The following UNC79 variants were observed in gnomAD, a reference collection of about 807,000 sequenced individuals.
The protein encoded by UNC79 is unc-79 subunit of NALCN channel complex.
In UNC79, 37 loss-of-function variants were observed where a neutral mutation model predicts 283.1. The observed-to-expected ratio is 0.13, with a 90% CI of 0.10 to 0.17. The LOEUF is 0.17. Ranked by LOEUF, UNC79 falls within the 10% of genes least tolerant of loss-of-function variation. The probability of loss-of-function intolerance (pLI) is 1.00; values close to 1 mark genes in which losing one functional copy is unlikely to be tolerated. For missense variants in UNC79, 2,272 were observed against 3,211.1 expected (o/e 0.71, Z 7.07); for synonymous variants, 1,107 against 1,200.2 (o/e 0.92, Z 1.61).
exon 49 of UNC79, chr14:93,706,751 C>G (rs763106730): frequency 1.2e-6 from 2 of 1,614,260 alleles, no homozygotes; most frequent in Non-Finnish European, 8.5e-7. Context: ...TTCAGAACCA[C>G]GTGAACCACC....
At chr14:93,670,599 C>T (rs748642843) in intron 40 of UNC79, among the ~76,000 whole-genome samples, 2 of 152,236 alleles carry the variant, frequency 1.3e-5, no homozygotes, top group Non-Finnish European at 2.9e-5. Context: ...ATGTGTTTAG[C>T]TATCCAGAAG....
At chr14:93,694,208 G>T in intron 46 of UNC79, 127 bp from the exon 50 acceptor site, 1 of 666,206 alleles carries the variant, frequency 1.5e-6, no homozygotes. Context: ...ACTGCCAGTG[G>T]TCTCCTACGG....
At chr14:93,673,551 C>G in intron 41 of UNC79, 96 bp downstream of exon 44, 1 of 945,210 alleles carries the variant, frequency 1.1e-6, no homozygotes, top group Non-Finnish European at 1.6e-6. Flanking sequence ...AACTAAATAT[C>G]TTTGCTTAGA....
chr14:93,459,194 G>A (rs557955346), intron 1 of UNC79, among the ~76,000 whole-genome samples: 4 of 152,320 alleles, frequency 2.6e-5, no homozygotes, highest in African/African-American at 7.2e-5. Context: ...GTTTCACCAT[G>A]TTGGCCAGGC....
rs1454533957 is a variant in UNC79, at chr14:93,531,568, C to T, written c.1094-982C>T. On this transcript the variant is annotated intron_variant, in intron 10 of 48. Coordinates refer to ENST00000555664, the Ensembl canonical transcript of UNC79. The surrounding 1 kb of genome is among the most constrained non-coding windows in gnomAD (Gnocchi z 4.2). ...TGACAGTCTTGCTCCAACTGGTCTA[C>T]CCGTGGGTTTGAAAATTGCTTTCTC... is the stretch of plus-strand genomic sequence containing the variant. Among the ~76,000 whole-genome samples the T allele has an allele frequency of 1.3e-5, 2 of 152,318 alleles. No homozygotes were observed. Among genetic ancestry groups the T allele is most frequent in the African/African-American group, 4.8e-5 (2 of 41,566 alleles).
intron 48 of UNC79, among the ~76,000 whole-genome samples, chr14:93,706,491 T>C (rs535931568): frequency 6.6e-6 from 1 of 152,224 alleles, no homozygotes; most frequent in Non-Finnish European, 1.5e-5. Context: ...GGTGAGCATG[T>C]CATTATTATG....
At chr14:93,562,235 T>G (rs1327109605) in intron 14 of UNC79, among the ~76,000 whole-genome samples, 2 of 152,124 alleles carry the variant, frequency 1.3e-5, no homozygotes, top group Non-Finnish European at 2.9e-5. Context: ...CCATCAAGGT[T>G]GTAGAATTTG....
At chr14:93,520,549 C>T (rs1001170739) in intron 7 of UNC79, among the ~76,000 whole-genome samples, 1 of 151,806 alleles carries the variant, frequency 6.6e-6, no homozygotes, top group African/African-American at 2.4e-5. Context: ...AAAAATTTGG[C>T]TTTATACTAA....
At position 93,603,342 on chromosome 14, in the gene UNC79, C is replaced by T. The variant is rs76171275; in HGVS notation, c.3678C>T (p.Ser1226=). 11,309 of 1,614,154 alleles carry T rather than the reference C, an allele frequency of 7.0e-3. 66 individuals are homozygous for T. Among genetic ancestry groups the T allele is most frequent in the Middle Eastern group, 0.045 (274 of 6,058 alleles). Residue 1226 remains serine, a synonymous_variant, in exon 26 of 49, where the codon TCC becomes TCT. Transcript: ENST00000555664. ...GAAACCGCCAGAAGAGTGTACGTTC[C>T]CTGAGGGACAGCGTGAAAGGGCCTG...
intron 17 of UNC79, 107 bp from the exon 18 acceptor site, chr14:93,577,735 A>C: frequency 9.0e-7 from 1 of 1,107,334 alleles, no homozygotes; most frequent in Non-Finnish European, 1.3e-6. Flanking sequence ...TAAGGAAAGA[A>C]ATAAGTGTGA....
chr14:93,659,390 T>C (rs1285824707), intron 39 of UNC79, 129 bp downstream of exon 42: 4 of 698,160 alleles, frequency 5.7e-6, no homozygotes, highest in Non-Finnish European at 9.3e-6. Flanking sequence ...CCTCCTTCTT[T>C]TTCTTCATGC....
At chr14:93,495,320 G>A (rs2058967245) in intron 5 of UNC79, among the ~76,000 whole-genome samples, 2 of 152,210 alleles carry the variant, frequency 1.3e-5, no homozygotes, top group Non-Finnish European at 2.9e-5. Context: ...TTCTTCACAT[G>A]GTGGCAGCAA....
At chr14:93,651,634 T>G (rs1381652650) in intron 35 of UNC79, among the ~76,000 whole-genome samples, 1 of 152,230 alleles carries the variant, frequency 6.6e-6, no homozygotes, top group Non-Finnish European at 1.5e-5. Flanking sequence ...ACTTATTAGT[T>G]CTAGTAGTTG....
intron 1 of UNC79, among the ~76,000 whole-genome samples, chr14:93,409,817 C>T (rs1344240602): frequency 6.6e-6 from 1 of 152,136 alleles, no homozygotes; most frequent in African/African-American, 2.4e-5. Flanking sequence ...ACATTCAATG[C>T]AATTCCAGTC....
chr14:93,620,479 C>A (rs534930671), intron 29 of UNC79, among the ~76,000 whole-genome samples: 1 of 152,198 alleles, frequency 6.6e-6, no homozygotes, highest in Non-Finnish European at 1.5e-5. Flanking sequence ...AAGATCCACT[C>A]ATTTTGTTTA....
intron 24 of UNC79, among the ~76,000 whole-genome samples, chr14:93,598,677 A>C (rs895953679): frequency 2.0e-5 from 3 of 151,990 alleles, no homozygotes; most frequent in African/African-American, 7.3e-5. Flanking sequence ...TTACGCCGCC[A>C]CGCCTGGCTA....
At chr14:93,595,386 G>A (rs1348275153) in intron 23 of UNC79, among the ~76,000 whole-genome samples, 2 of 151,960 alleles carry the variant, frequency 1.3e-5, no homozygotes, top group South Asian at 2.1e-4. Context: ...CACCGTACCC[G>A]GCCAAGGTCA....
chr14:93,577,584 T>A (rs577381575), intron 17 of UNC79, among the ~76,000 whole-genome samples: 3 of 152,246 alleles, frequency 2.0e-5, no homozygotes, highest in Non-Finnish European at 4.4e-5. Context: ...GTTTGATGGG[T>A]TGAAAAATGT....
rs1319402613 is a variant in UNC79, at chr14:93,333,232, G to GGCTGGTAGCCGGGCGTCGGGTC, written c.-637_-636insTAGCCGGGCGTCGGGTCGCTGG. 6.6e-5 allele frequency: 24 copies of GGCTGGTAGCCGGGCGTCGGGTC among 366,152 alleles called. 1 individual carries two copies. The East Asian group carries it at 8.1e-4, about 12-fold the overall frequency. 22.7% of individuals were successfully genotyped at this position (366,152 alleles called of 1,614,324 possible). A position where few individuals can be genotyped will look rare whatever the true frequency, so the allele number is the denominator to read the frequency against. The stretch of plus-strand genomic sequence containing the variant: ...TGCGCGCGCATTATTTTTGCTCGTC[G>GGCTGGTAGCCGGGCGTCGGGTC]GCTGGGAGCCGGGCGTCGGGTCGCT... On this transcript the variant is annotated 5_prime_UTR_variant, in exon 1 of 50. Coordinates refer to the UNC79 transcript ENST00000256339.
Sources: allele counts gnomAD v4.1 joint callset (sites outside exome capture counted in the v4.1 genomes callset), GRCh38; gene constraint gnomAD v4.1.1; non-coding constraint Gnocchi (gnomAD v3.1); transcripts MANE v1.5; gene names NCBI Gene and HGNC (gene_info 2026-07-23, HGNC 2026-07-21).